The following MGAT3 variants were observed in gnomAD, a reference collection of about 807,000 sequenced individuals.
MGAT3 encodes beta-1,4-mannosyl-glycoprotein 4-beta-N-acetylglucosaminyltransferase.
In MGAT3, 9 loss-of-function variants were observed where a neutral mutation model predicts 29.8. That is an observed-to-expected ratio of 0.30 (90% CI 0.18 to 0.53). The LOEUF is 0.53. Ranked by LOEUF, MGAT3 falls within the 20% of genes least tolerant of loss-of-function variation. The probability of loss-of-function intolerance (pLI) is 0.96; values close to 1 mark genes in which losing one functional copy is unlikely to be tolerated. For missense variants in MGAT3, 557 were observed against 769.5 expected (o/e 0.72, Z 3.27); for synonymous variants, 397 against 348.9 (o/e 1.14, Z -1.54).
At chr22:39,461,520 G>A (rs1233224553) in intron 1 of MGAT3, among the ~76,000 whole-genome samples, 2 of 152,126 alleles carry the variant, frequency 1.3e-5, no homozygotes, top group East Asian at 3.9e-4. Flanking sequence ...CACAGAATGG[G>A]CCCCAAGCTT....
intron 1 of MGAT3, among the ~76,000 whole-genome samples, chr22:39,467,703 C>A (rs1343819675): frequency 6.7e-6 from 1 of 149,168 alleles, no homozygotes; most frequent in Non-Finnish European, 1.5e-5. Context: ...TTCTTTCAGA[C>A]AGAGTCTGGA....
rs538954910 is a variant in MGAT3 at position 39,473,389 on chromosome 22, G to A, written c.-1-13958G>A. 2.0e-5 allele frequency among the ~76,000 whole-genome samples: 3 copies of A among 152,286 alleles called. No individual in the cohort carries two copies. The South Asian group carries it at 6.2e-4, about 32-fold the overall frequency. On this transcript the variant is annotated intron_variant, in intron 1 of 1. Coordinates refer to ENST00000341184, the MANE Select transcript of MGAT3 (RefSeq NM_002409.5). ...AGGGCTGACCGCATGCAGTTATCAGGAACACGATAACTAACCCACTTTGAG... is the reference window on the plus strand; with the variant it reads ...AGGGCTGACCGCATGCAGTTATCAGAAACACGATAACTAACCCACTTTGAG...
chr22:39,475,456 A>G (rs1211791535), intron 1 of MGAT3, among the ~76,000 whole-genome samples: 1 of 151,976 alleles, frequency 6.6e-6, no homozygotes, highest in Non-Finnish European at 1.5e-5. Context: ...CCTTCTGCCA[A>G]TCACCTGCCT....
chr22:39,468,010 C>A (rs921240659), intron 1 of MGAT3, among the ~76,000 whole-genome samples: 5 of 151,800 alleles, frequency 3.3e-5, no homozygotes, highest in Non-Finnish European at 7.4e-5. Flanking sequence ...GGGATGAGGA[C>A]CCCCTCATAG....
chr22:39,476,601 T>C (rs1294245499), intron 1 of MGAT3: 1 of 152,178 alleles, frequency 6.6e-6, no homozygotes, highest in Non-Finnish European at 1.5e-5. Context: ...CTGGGTGTCA[T>C]GGTCTACCAG....
chr22:39,480,173 A>G (rs1164430214), intron 1 of MGAT3, among the ~76,000 whole-genome samples: 5 of 152,174 alleles, frequency 3.3e-5, no homozygotes, highest in Admixed American at 2.6e-4. Context: ...CAGGGAGGCT[A>G]TCTTGGCACA....
Position 39,487,712 on chromosome 22 carries a change from C to A in MGAT3, c.365C>A (p.Thr122Asn). 1 of 1,578,906 alleles carries A rather than the reference C, an allele frequency of 6.3e-7. No individual in the cohort carries two copies. The highest frequency in any genetic ancestry group is 8.6e-7 in the Non-Finnish European group (1 of 1,163,804). ...GGCGGCGTCTGCTTCAAACCCGGCA[C>A]CAAGATGCTGGAGAGGCCGCCCCCG... The part of the protein sequence containing the change: ...KAGGVCFKPG[T>N]KMLERPPPGR... The change falls in exon 2 of 2, where the codon ACC becomes AAC. Residue 122 changes from threonine to asparagine, a missense_variant. Thr to Asn is a moderately conservative substitution (Grantham distance 65). Coordinates refer to ENST00000341184, the MANE Select transcript of MGAT3 (RefSeq NM_002409.5). The surrounding 1 kb of genome is among the most constrained non-coding windows in gnomAD (Gnocchi z 5.7).
In MGAT3 at chr22:39,487,533, C is replaced by A. The variant is rs1460862645; in HGVS notation, c.186C>A (p.Pro62=). 1 of 1,613,076 alleles carries A rather than the reference C, an allele frequency of 6.2e-7. No homozygotes were observed. The highest frequency in any genetic ancestry group is 8.5e-7 in the Non-Finnish European group (1 of 1,180,002). Residue 62 remains proline, a synonymous_variant, in exon 2 of 2, where the codon CCC becomes CCA. Coordinates refer to ENST00000341184, the MANE Select transcript of MGAT3 (RefSeq NM_002409.5). The surrounding 1 kb of genome is among the most constrained non-coding windows in gnomAD (Gnocchi z 5.7). ...CCCCGGTCACGCCCCAGGCCAGCCC[C>A]GAGCCAGGAGGCCCTGACCTGCTGC... ...NNAPVTPQAS[P]EPGGPDLLRT...
At chr22:39,485,572 C>A (rs1929248208) in intron 1 of MGAT3, among the ~76,000 whole-genome samples, 1 of 152,178 alleles carries the variant, frequency 6.6e-6, no homozygotes, top group Non-Finnish European at 1.5e-5. Context: ...GGGCGGATCA[C>A]CTGAGGTCAG....
At chr22:39,466,116 C>G (rs1928638754) in intron 1 of MGAT3, among the ~76,000 whole-genome samples, 1 of 152,102 alleles carries the variant, frequency 6.6e-6, no homozygotes, top group African/African-American at 2.4e-5. Context: ...GGGACACTGC[C>G]CTGCTTCTTT....
Position 39,488,913 on chromosome 22 carries a change from GCCCGC to G in MGAT3, c.1569_1573del (p.Ala524GlyfsTer53). 1 of 1,603,926 alleles carries G rather than the reference GCCCGC, an allele frequency of 6.2e-7. No individual in the cohort carries two copies. The highest frequency in any genetic ancestry group is 8.5e-7 in the Non-Finnish European group (1 of 1,175,750). On this transcript the variant is annotated frameshift_variant, in exon 2 of 2. Coordinates refer to ENST00000341184, the MANE Select transcript of MGAT3 (RefSeq NM_002409.5). ...GCCACAGGGGTCCCGAGGGAAGGCC[GCCCGC>G]CCGGGGCAAACTGGACGAGGCGGAA...
chr22:39,468,619 C>T (rs1928721211), intron 1 of MGAT3, among the ~76,000 whole-genome samples: 1 of 152,220 alleles, frequency 6.6e-6, no homozygotes, highest in African/African-American at 2.4e-5. Flanking sequence ...GACCATGGGC[C>T]ACTTGTGTGA....
chr22:39,466,215 C>A (rs1478504786), intron 1 of MGAT3, among the ~76,000 whole-genome samples: 1 of 152,156 alleles, frequency 6.6e-6, no homozygotes, highest in Non-Finnish European at 1.5e-5. Flanking sequence ...AGAAAAGGAG[C>A]CCCGGAGACA....
At chr22:39,467,828 AAG>A (rs1928699162) in intron 1 of MGAT3, among the ~76,000 whole-genome samples, 1 of 150,986 alleles carries the variant, frequency 6.6e-6, no homozygotes, top group Non-Finnish European at 1.5e-5. Context: ...AAAAAAAAAA[AAG>A]AGGTAGAACC....
At chr22:39,478,833 C>T (rs953889921) in intron 1 of MGAT3, among the ~76,000 whole-genome samples, 16 of 152,236 alleles carry the variant, frequency 1.1e-4, no homozygotes, top group African/African-American at 3.9e-4. Flanking sequence ...GCTTCCCTCC[C>T]TCACAGCCCG....
At chr22:39,482,147 A>ATTTTT (rs11380222) in intron 1 of MGAT3, among the ~76,000 whole-genome samples, 2 of 134,100 alleles carry the variant, frequency 1.5e-5, no homozygotes, top group Non-Finnish European at 1.6e-5. Flanking sequence ...GGCACTGCTA[A>ATTTTT]TTTTTTTTTT....
In MGAT3 at chr22:39,491,301, G is replaced by T. The variant is rs999502190; in HGVS notation, c.*2352G>T. On this transcript the variant is annotated 3_prime_UTR_variant, in exon 2 of 2. Transcript: ENST00000341184. This position sits in a 1 kb window ranked among gnomAD's most constrained non-coding sequence, Gnocchi z 5.5. ...CCCATGGAACTCCTTTGAAGTCACA[G>T]CAGCCTTCCTTTCTGTTTGCTCTTG... 24 of 167,486 alleles carry T rather than the reference G, an allele frequency of 1.4e-4. No homozygotes were observed. The highest frequency in any genetic ancestry group is 5.3e-4 in the African/African-American group (22 of 41,436). 10.4% of individuals were successfully genotyped at this position (167,486 alleles called of 1,614,324 possible).
intron 1 of MGAT3, among the ~76,000 whole-genome samples, chr22:39,478,124 G>T (rs1929021168): frequency 6.6e-6 from 1 of 152,268 alleles, no homozygotes; most frequent in South Asian, 2.1e-4. Context: ...CCGGGTGGAA[G>T]GTGAGCACAG....
At chr22:39,471,441 G>A (rs1433806176) in intron 1 of MGAT3, among the ~76,000 whole-genome samples, 2 of 152,122 alleles carry the variant, frequency 1.3e-5, no homozygotes, top group Admixed American at 1.3e-4. Context: ...CTAACCTGAA[G>A]CTTTGTTAAT....
Sources: allele counts gnomAD v4.1 joint callset (sites outside exome capture counted in the v4.1 genomes callset), GRCh38; gene constraint gnomAD v4.1.1; non-coding constraint Gnocchi (gnomAD v3.1); transcripts MANE v1.5; gene names NCBI Gene and HGNC (gene_info 2026-07-23, HGNC 2026-07-21).